Variants in KLF8 observed in about 807,000 individuals in gnomAD.
The protein encoded by KLF8 is KLF transcription factor 8.
KLF8 carries 10 observed loss-of-function variants against 18.2 expected under a neutral mutation model. The observed-to-expected ratio is 0.55, with a 90% CI of 0.34 to 0.93. The LOEUF is 0.93. Among genes scored for constraint, KLF8 ranks in the 40% least tolerant of loss-of-function variants. The probability of loss-of-function intolerance (pLI) is 0.02; values close to 1 mark genes in which losing one functional copy is unlikely to be tolerated. For missense variants in KLF8, 264 were observed against 277.9 expected, an observed-to-expected ratio of 0.95 and a Z score of 0.36; for synonymous variants, 109 against 97.3, an observed-to-expected ratio of 1.12 and a Z score of -0.71.
intron 5 of KLF8, among the ~76,000 whole-genome samples, chrX:56,280,575 CT>C (rs1569193035): frequency 8.9e-6 from 1 of 111,881 alleles, no homozygotes; most frequent in Non-Finnish European, 1.9e-5. Context: ...TCTATTATTT[CT>C]TTCTAATTTT....
chrX:56,177,705 G>T, the KLF8 span, among the ~76,000 whole-genome samples: 1 of 111,694 alleles, frequency 9.0e-6, no homozygotes, highest in East Asian at 2.8e-4. Flanking sequence ...CAGAGGTGGA[G>T]TCTACAGAGG....
the KLF8 span, among the ~76,000 whole-genome samples, chrX:56,099,537 G>C: frequency 8.9e-6 from 1 of 112,059 alleles, no homozygotes; most frequent in Non-Finnish European, 1.9e-5. Flanking sequence ...CTTGCCAAAA[G>C]GGAAGATAGA....
chrX:56,180,142 G>A, the KLF8 span, among the ~76,000 whole-genome samples: 1 of 111,429 alleles, frequency 9.0e-6, no homozygotes, highest in African/African-American at 3.3e-5. Context: ...TGGTTGGTAG[G>A]CTATTAATTA....
rs2067301839 is a variant in KLF8, at chrX:56,289,496, C to T, written c.*5002C>T. ...AGGAAACATATGTGTGTATACTATC[C>T]TATGTATATGCACATTCTATAAATA... On this transcript the variant is annotated 3_prime_UTR_variant, in exon 6 of 6. Coordinates refer to ENST00000468660, the MANE Select transcript of KLF8 (RefSeq NM_007250.5). Among the ~76,000 whole-genome samples the T allele has an allele frequency of 8.9e-6, 1 of 111,843 alleles. No homozygotes were observed. The highest frequency in any genetic ancestry group is 1.9e-5 in the Non-Finnish European group (1 of 53,204).
At chrX:56,042,779 G>T in the KLF8 span, among the ~76,000 whole-genome samples, 1 of 111,284 alleles carries the variant, frequency 9.0e-6, no homozygotes, top group Non-Finnish European at 1.9e-5. Context: ...GATGGGTCTT[G>T]GCTCTTTATC....
At chrX:56,264,339 T>TAATGTATTTATTGGTTTTTTAAACTAATA (rs1569185094) in intron 2 of KLF8, among the ~76,000 whole-genome samples, 8 of 105,382 alleles carry the variant, frequency 7.6e-5, no homozygotes, top group Admixed American at 2.0e-4. Flanking sequence ...TTTTTTAAAC[T>TAATGTATTTATTGGTTTTTTAAACTAATA]AATGTATTTA....
At chrX:56,154,375 T>C in the KLF8 span, among the ~76,000 whole-genome samples, 1 of 111,875 alleles carries the variant, frequency 8.9e-6, no homozygotes, top group Admixed American at 9.5e-5. Context: ...ATTTAACAAA[T>C]GGTGCTGGGA....
At chrX:56,050,066 T>C in the KLF8 span, among the ~76,000 whole-genome samples, 3 of 110,784 alleles carry the variant, frequency 2.7e-5, no homozygotes, top group Admixed American at 9.6e-5. Context: ...GAGGTGTTTG[T>C]AGTATTCTCT....
At chrX:56,121,058 C>T in the KLF8 span, among the ~76,000 whole-genome samples, 15 of 109,125 alleles carry the variant, frequency 1.4e-4, no homozygotes, top group East Asian at 2.9e-4. Flanking sequence ...TGGTGGCGGG[C>T]ACCTGTAGTC....
chrX:56,073,199 G>A, the KLF8 span, among the ~76,000 whole-genome samples: 1 of 111,102 alleles, frequency 9.0e-6, no homozygotes. Flanking sequence ...GTGTTAGCCA[G>A]GATGGTCTTG....
chrX:56,134,679 T>G, the KLF8 span, among the ~76,000 whole-genome samples: 1 of 111,377 alleles, frequency 9.0e-6, no homozygotes, highest in Non-Finnish European at 1.9e-5. Flanking sequence ...AAAGAACTTC[T>G]GAAAAGCAAA....
the KLF8 span, among the ~76,000 whole-genome samples, chrX:55,947,540 T>G: frequency 1.9e-5 from 2 of 108,002 alleles, no homozygotes; most frequent in South Asian, 8.5e-4. Context: ...TAATGCTAAA[T>G]GACGAGTTAA....
At chrX:56,243,529 T>C in intron 1 of KLF8, 1 of 54,442 alleles carries the variant, frequency 1.8e-5, no homozygotes, top group African/African-American at 6.7e-5. Context: ...AAACTCTTGC[T>C]TTTTTTTTTT....
the KLF8 span, among the ~76,000 whole-genome samples, chrX:56,189,786 C>T: frequency 3.0e-5 from 3 of 100,257 alleles, no homozygotes; most frequent in South Asian, 1.5e-3. Context: ...ATCCAAACAC[C>T]ACATGTTCTC....
the KLF8 span, among the ~76,000 whole-genome samples, chrX:56,145,469 A>T: frequency 8.9e-6 from 1 of 112,619 alleles, no homozygotes; most frequent in Non-Finnish European, 1.9e-5. Context: ...TACCCAGAAG[A>T]ATTGAAAACA....
At chrX:55,981,139 G>T in the KLF8 span, among the ~76,000 whole-genome samples, 1 of 112,233 alleles carries the variant, frequency 8.9e-6, no homozygotes, top group Non-Finnish European at 1.9e-5. Flanking sequence ...GTTGCAGTGA[G>T]CCGAGATTGC....
At chrX:56,152,390 A>T in the KLF8 span, among the ~76,000 whole-genome samples, 1 of 111,213 alleles carries the variant, frequency 9.0e-6, no homozygotes. Flanking sequence ...GTCTCACTTG[A>T]TGCTCTGCTG....
At chrX:56,203,216 G>A in the KLF8 span, among the ~76,000 whole-genome samples, 9 of 112,040 alleles carry the variant, frequency 8.0e-5, no homozygotes, top group Non-Finnish European at 1.5e-4. Context: ...TTTGCTATTT[G>A]TATGTCTTCC....
At chrX:56,271,484 G>A (rs2067057203) in intron 5 of KLF8, among the ~76,000 whole-genome samples, 1 of 110,642 alleles carries the variant, frequency 9.0e-6, no homozygotes, top group Non-Finnish European at 1.9e-5. Flanking sequence ...CTCAGAATTG[G>A]GACTTAGACA....
Sources: allele counts gnomAD v4.1 joint callset (sites outside exome capture counted in the v4.1 genomes callset), GRCh38; gene constraint gnomAD v4.1.1; transcripts MANE v1.5; gene names NCBI Gene and HGNC (gene_info 2026-07-23, HGNC 2026-07-21).